EXOC4: variants seen among roughly 807,000 people sequenced by gnomAD.
EXOC4 encodes the protein SEC8-like 1.
A neutral mutation model predicts 107.2 loss-of-function variants in EXOC4; 71 were observed. That is an observed-to-expected ratio of 0.66 (90% confidence interval 0.55 to 0.81). The LOEUF (loss-of-function observed/expected upper bound fraction) is 0.81, where lower values mean the gene tolerates loss of function less well. EXOC4 is among the 30% of genes least tolerant of loss of function. EXOC4 has a pLI of 0.00. For synonymous variants in EXOC4, 456 were observed against 441.2 expected (o/e 1.03, Z -0.42); for missense variants, 1,108 against 1,189.6 (o/e 0.93, Z 1.01).
At chr7:133,255,304 A>G (rs1471798383) in intron 1 of EXOC4, among the ~76,000 whole-genome samples, 2 of 151,744 alleles carry the variant, frequency 1.3e-5, no homozygotes, top group Non-Finnish European at 2.9e-5. Context: ...AGCTTCCCGC[A>G]TAGCTGGGAT....
At chr7:133,383,802 C>T (rs959748006) in intron 7 of EXOC4, among the ~76,000 whole-genome samples, 4 of 152,052 alleles carry the variant, frequency 2.6e-5, no homozygotes, top group Non-Finnish European at 4.4e-5. Flanking sequence ...AATAGTTTTT[C>T]GTCATTTCTC....
At chr7:133,709,817 A>G (rs372871143) in intron 10 of EXOC4, among the ~76,000 whole-genome samples, 7 of 152,144 alleles carry the variant, frequency 4.6e-5, no homozygotes, top group Non-Finnish European at 7.4e-5. Flanking sequence ...GGGGATAGCA[A>G]TAGAACCTAC....
At chr7:133,405,979 G>A (rs977398201) in intron 7 of EXOC4, among the ~76,000 whole-genome samples, 1 of 152,130 alleles carries the variant, frequency 6.6e-6, no homozygotes, top group African/African-American at 2.4e-5. Flanking sequence ...TAGGTGCTGG[G>A]ATTATAAGCA....
intron 7 of EXOC4, among the ~76,000 whole-genome samples, chr7:133,438,484 G>C (rs1055828965): frequency 2.6e-5 from 4 of 151,988 alleles, no homozygotes; most frequent in African/African-American, 9.7e-5. Flanking sequence ...GCCTCCAATG[G>C]GGGTTGTTAT....
intron 9 of EXOC4, among the ~76,000 whole-genome samples, chr7:133,626,845 T>C (rs528379445): frequency 6.6e-6 from 1 of 152,328 alleles, no homozygotes; most frequent in South Asian, 2.1e-4. Flanking sequence ...AACAAACGTT[T>C]ATTAAGCACA....
chr7:133,665,872 A>G (rs1793801585), intron 10 of EXOC4, among the ~76,000 whole-genome samples: 1 of 152,208 alleles, frequency 6.6e-6, no homozygotes. Flanking sequence ...AAGTAACAGA[A>G]CTGACTACAA....
At chr7:134,045,451 C>T (rs1795627134) in intron 17 of EXOC4, among the ~76,000 whole-genome samples, 1 of 152,110 alleles carries the variant, frequency 6.6e-6, no homozygotes, top group African/African-American at 2.4e-5. Flanking sequence ...TGTCAGCTTA[C>T]AGAATCTTCT....
chr7:133,281,748 C>T (rs1794157679), intron 2 of EXOC4, among the ~76,000 whole-genome samples: 1 of 148,472 alleles, frequency 6.7e-6, no homozygotes. Flanking sequence ...GTTGCCCAAG[C>T]TGGAGGGCAA....
intron 10 of EXOC4, among the ~76,000 whole-genome samples, chr7:133,644,263 T>A (rs1802934659): frequency 1.3e-5 from 2 of 152,206 alleles, no homozygotes; most frequent in South Asian, 4.1e-4. Context: ...AGTCAGACTA[T>A]TCTGATTGCT....
intron 3 of EXOC4, among the ~76,000 whole-genome samples, chr7:133,302,781 T>TAA (rs1358792828): frequency 6.6e-6 from 1 of 152,198 alleles, no homozygotes. Flanking sequence ...CCTGTGAGAC[T>TAA]GTCTTGTTGC....
intron 5 of EXOC4, among the ~76,000 whole-genome samples, chr7:133,320,669 A>G (rs1448080242): frequency 6.6e-6 from 1 of 152,222 alleles, no homozygotes; most frequent in African/African-American, 2.4e-5. Context: ...TACGCTGCCC[A>G]TTTTGTGACT....
chr7:133,469,479 C>T (rs1198909695), intron 7 of EXOC4, among the ~76,000 whole-genome samples: 1 of 151,970 alleles, frequency 6.6e-6, no homozygotes, highest in Non-Finnish European at 1.5e-5. Context: ...CATAGTTGTA[C>T]AGAATGAAAT....
At chr7:133,363,599 G>A (rs891550453) in intron 6 of EXOC4, among the ~76,000 whole-genome samples, 4 of 97,348 alleles carry the variant, frequency 4.1e-5, no homozygotes, top group African/African-American at 1.5e-4. Context: ...TGTGTTTTAT[G>A]TGGCAAAGTT....
intron 11 of EXOC4, among the ~76,000 whole-genome samples, chr7:133,828,652 T>C (rs969389457): frequency 6.6e-6 from 1 of 152,212 alleles, no homozygotes; most frequent in African/African-American, 2.4e-5. Flanking sequence ...AACTTGTGTG[T>C]ACTTAATCTT....
At chr7:133,723,725 G>A (rs1023059932) in intron 10 of EXOC4, among the ~76,000 whole-genome samples, 3 of 151,978 alleles carry the variant, frequency 2.0e-5, no homozygotes, top group Non-Finnish European at 4.4e-5. Flanking sequence ...TCCTGGCCTC[G>A]GGTAAGGTAC....
At chr7:133,402,437 T>G (rs1797111416) in intron 7 of EXOC4, among the ~76,000 whole-genome samples, 1 of 152,234 alleles carries the variant, frequency 6.6e-6, no homozygotes, top group South Asian at 2.1e-4. Context: ...GGGGATCTTC[T>G]TAAAATGTAG....
At chr7:134,043,970 G>A (rs897192341) in intron 17 of EXOC4, among the ~76,000 whole-genome samples, 1 of 152,204 alleles carries the variant, frequency 6.6e-6, no homozygotes, top group Admixed American at 6.5e-5. Flanking sequence ...TTGGTTTGTA[G>A]CCCTGGCCTG....
chr7:133,321,398 C>G (rs938475029), intron 5 of EXOC4, among the ~76,000 whole-genome samples: 1 of 151,968 alleles, frequency 6.6e-6, no homozygotes, highest in African/African-American at 2.4e-5. Context: ...TTAGGTATTT[C>G]TCCTAATGCT....
intron 10 of EXOC4, among the ~76,000 whole-genome samples, chr7:133,703,769 G>T (rs1307099188): frequency 6.6e-6 from 1 of 152,112 alleles, no homozygotes; most frequent in Non-Finnish European, 1.5e-5. Flanking sequence ...CATCAGCTGT[G>T]GCCAGTGTCG....
Sources: gnomAD v4.1 joint callset for allele counts (sites outside exome capture counted in the v4.1 genomes callset) on GRCh38, gnomAD v4.1.1 for gene constraint, MANE v1.5 for transcripts, NCBI Gene and HGNC (gene_info 2026-07-23, HGNC 2026-07-21) for gene names.